Variants in GRID1 observed in about 807,000 individuals in gnomAD.
GRID1 encodes the protein glutamate receptor ionotropic, delta-1.
A neutral mutation model predicts 98.0 loss-of-function variants in GRID1; 28 were observed. The ratio of observed to expected loss-of-function variants is 0.29; its 90% CI spans 0.21 to 0.39. The LOEUF (loss-of-function observed/expected upper bound fraction) is 0.39. GRID1 is among the 10% of genes least tolerant of loss of function. The pLI is 1.00. For missense variants in GRID1, 1,111 were observed against 1,340.5 expected, an observed-to-expected ratio of 0.83 and a Z score of 2.67; for synonymous variants, 553 against 538.5, an observed-to-expected ratio of 1.03 and a Z score of -0.37.
At chr10:85,831,631 T>G (rs1842868161) in intron 8 of GRID1, among the ~76,000 whole-genome samples, 1 of 152,040 alleles carries the variant, frequency 6.6e-6, no homozygotes, top group Non-Finnish European at 1.5e-5. Flanking sequence ...TGAAAATAAG[T>G]TAGAAACTAT....
At chr10:86,056,441 C>A (rs528065620) in intron 4 of GRID1, among the ~76,000 whole-genome samples, 1 of 152,316 alleles carries the variant, frequency 6.6e-6, no homozygotes, top group African/African-American at 2.4e-5. Context: ...TTCAAGAATT[C>A]TCATCTCATT....
rs750193094 is a variant in GRID1, at chr10:85,724,358, G to C, written c.1852C>G (p.Gln618Glu). 6.2e-7 allele frequency: 1 copy of C among 1,612,108 alleles called. No individual in the cohort carries two copies. Among genetic ancestry groups the C allele is most frequent in the South Asian group, 1.1e-5 (1 of 91,028 alleles). ...AIWIVYGAFV[Q>E]QGGESSVNSM... is the part of the protein sequence containing the mutation. ...CAGGAAACCAGAAAGGTACCTTGCT[G>C]TACGAAGGCTCCATAGACAATCCAG... The change falls in exon 11 of 16, where the codon CAG becomes GAG. Residue 618 changes from glutamine (Q) to glutamate (E), a missense_variant. Physicochemically the swap from Gln to Glu is conservative, Grantham distance 29 (BLOSUM62 2). This residue lies in a region of GRID1 where 762 missense variants were observed against 869.1 expected (regional missense o/e 0.88). Coordinates refer to ENST00000327946, the MANE Select transcript of GRID1 (RefSeq NM_017551.3).
At chr10:85,897,994 T>G (rs542707389) in intron 5 of GRID1, among the ~76,000 whole-genome samples, 1 of 152,308 alleles carries the variant, frequency 6.6e-6, no homozygotes, top group Non-Finnish European at 1.5e-5. Context: ...GGATATGTTC[T>G]GAGAAATGTG....
At chr10:85,788,559 C>A (rs910233976) in intron 8 of GRID1, among the ~76,000 whole-genome samples, 2 of 152,200 alleles carry the variant, frequency 1.3e-5, no homozygotes, top group African/African-American at 4.8e-5. Flanking sequence ...CAGTGACAGG[C>A]AAACCCTAAT....
intron 5 of GRID1, among the ~76,000 whole-genome samples, chr10:85,908,929 A>C (rs1309702284): frequency 6.6e-6 from 1 of 152,228 alleles, no homozygotes; most frequent in Non-Finnish European, 1.5e-5. Flanking sequence ...ATAAATTGAT[A>C]AGTTAAACTT....
At chr10:86,078,207 T>A (rs913836690) in intron 4 of GRID1, among the ~76,000 whole-genome samples, 1 of 152,214 alleles carries the variant, frequency 6.6e-6, no homozygotes, top group Non-Finnish European at 1.5e-5. Context: ...AGCTTATCTT[T>A]CCCAGAGGCC....
At chr10:85,732,336 T>A (rs1034498262) in intron 8 of GRID1, among the ~76,000 whole-genome samples, 1 of 152,162 alleles carries the variant, frequency 6.6e-6, no homozygotes, top group Non-Finnish European at 1.5e-5. Flanking sequence ...CACTCAATAC[T>A]CTTATCCTGC....
At chr10:85,985,775 C>A (rs1468860685) in intron 4 of GRID1, among the ~76,000 whole-genome samples, 3 of 152,206 alleles carry the variant, frequency 2.0e-5, no homozygotes, top group Non-Finnish European at 4.4e-5. Flanking sequence ...CATGTCTAGA[C>A]CATGGCCCCA....
chr10:86,246,484 G>T (rs536541145), intron 2 of GRID1, among the ~76,000 whole-genome samples: 1 of 152,130 alleles, frequency 6.6e-6, no homozygotes, highest in Non-Finnish European at 1.5e-5. Context: ...ACCACAACCC[G>T]GCCGCACCTG....
chr10:85,690,219 T>A (rs1466334379), intron 12 of GRID1, among the ~76,000 whole-genome samples: 2 of 152,200 alleles, frequency 1.3e-5, no homozygotes, highest in Non-Finnish European at 2.9e-5. Context: ...TAATTGTCTT[T>A]AAAGAATATG....
At chr10:86,002,488 C>CACTT (rs1278758908) in intron 4 of GRID1, among the ~76,000 whole-genome samples, 1 of 149,070 alleles carries the variant, frequency 6.7e-6, no homozygotes, top group Non-Finnish European at 1.5e-5. Flanking sequence ...TGTCTTTTTG[C>CACTT]ACTTACATTC....
Position 86,206,410 on chromosome 10 carries a change from C to T in GRID1, c.474G>A (p.Thr158=), listed in dbSNP as rs754580653. 79 of 1,610,788 alleles carry T rather than the reference C, an allele frequency of 4.9e-5. 1 individual carries two copies. Among genetic ancestry groups the T allele is most frequent in the East Asian group, 1.3e-4 (6 of 44,802 alleles). ...RLNDVMLRLV[T]ELRWQKFVMF... ...TGACGAACTTCTGCCAGCGCAGCTC[C>T]GTCACCAGCCTGAGCATGACATCAT... is the stretch of plus-strand genomic sequence containing the variant. Residue 158 remains threonine (T), a synonymous_variant, in exon 3 of 16, where the codon ACG becomes ACA. Transcript: ENST00000327946. The surrounding 1 kb of genome is among the most constrained non-coding windows in gnomAD (Gnocchi z 4.1).
At chr10:86,347,016 G>A (rs1041489910) in intron 2 of GRID1, among the ~76,000 whole-genome samples, 43 of 152,052 alleles carry the variant, frequency 2.8e-4, no homozygotes, top group African/African-American at 9.9e-4. Flanking sequence ...GTCATCCTGC[G>A]GGCTGGCACA....
chr10:85,915,017 G>A (rs868753517), intron 5 of GRID1, among the ~76,000 whole-genome samples: 3 of 152,166 alleles, frequency 2.0e-5, no homozygotes, highest in Admixed American at 6.5e-5. Context: ...TGCCTGCAGC[G>A]TGGAGGAGGC....
chr10:86,133,206 G>T (rs774995637), intron 4 of GRID1, among the ~76,000 whole-genome samples: 1 of 152,196 alleles, frequency 6.6e-6, no homozygotes, highest in East Asian at 1.9e-4. Flanking sequence ...GATCTGCACA[G>T]GTGCATGTGT....
At chr10:86,123,205 A>C (rs1434472531) in intron 4 of GRID1, among the ~76,000 whole-genome samples, 1 of 152,036 alleles carries the variant, frequency 6.6e-6, no homozygotes, top group Admixed American at 6.6e-5. Context: ...GAGAAGGGGG[A>C]CCTACTCAAG....
intron 4 of GRID1, among the ~76,000 whole-genome samples, chr10:85,934,413 G>GACACACACACAC (rs5786728): frequency 1.4e-5 from 2 of 141,416 alleles, no homozygotes; most frequent in African/African-American, 5.2e-5. Context: ...GCAGAGATTG[G>GACACACACACAC]ACACACACAC....
At chr10:85,694,663 G>A (rs1590193147) in intron 12 of GRID1, among the ~76,000 whole-genome samples, 1 of 146,528 alleles carries the variant, frequency 6.8e-6, no homozygotes, top group Admixed American at 6.9e-5. Flanking sequence ...AACACTGATG[G>A]AAACAGAGGA....
At chr10:86,246,111 G>A (rs748386094) in intron 2 of GRID1, among the ~76,000 whole-genome samples, 10 of 152,236 alleles carry the variant, frequency 6.6e-5, no homozygotes, top group Admixed American at 2.0e-4. Flanking sequence ...AGGGAGCCAC[G>A]AGGCTGAAAG....
Sources: allele counts gnomAD v4.1 joint callset (sites outside exome capture counted in the v4.1 genomes callset), GRCh38; gene constraint gnomAD v4.1.1; regional missense constraint gnomAD v4.1.1; non-coding constraint Gnocchi (gnomAD v3.1); transcripts MANE v1.5; gene names NCBI Gene and HGNC (gene_info 2026-07-23, HGNC 2026-07-21).